Variants in CAMTA1 observed in about 807,000 individuals in gnomAD.
The protein encoded by CAMTA1 is calmodulin-binding transcription activator 1.
Under a neutral mutation model 170.9 loss-of-function variants are expected in CAMTA1, and 27 were observed. The observed-to-expected ratio is 0.16, with a 90% CI of 0.12 to 0.22. The LOEUF is 0.22. CAMTA1 is among the 10% of genes least tolerant of loss of function. The pLI is 1.00. For synonymous variants in CAMTA1, 833 were observed against 891.5 expected (o/e 0.93, Z 1.17); for missense variants, 1,619 against 2,217.2 (o/e 0.73, Z 5.42).
chr1:7,242,459 C>T (rs1313793726), intron 4 of CAMTA1, among the ~76,000 whole-genome samples: 1 of 152,140 alleles, frequency 6.6e-6, no homozygotes, highest in African/African-American at 2.4e-5. Context: ...AAGTTTTCTC[C>T]ACTTTCAGGT....
intron 4 of CAMTA1, among the ~76,000 whole-genome samples, chr1:7,225,246 A>C (rs555038174): frequency 9.2e-5 from 14 of 152,116 alleles, no homozygotes; most frequent in African/African-American, 3.4e-4. Flanking sequence ...CACCATGCCC[A>C]GCTAATTTTT....
At chr1:6,996,189 G>T in intron 3 of CAMTA1, among the ~76,000 whole-genome samples, 1 of 152,202 alleles carries the variant, frequency 6.6e-6, no homozygotes, top group East Asian at 1.9e-4. Flanking sequence ...TCATCTCAGA[G>T]TCCATTGATT....
At chr1:6,831,076 C>G (rs1649906274) in intron 3 of CAMTA1, among the ~76,000 whole-genome samples, 1 of 152,120 alleles carries the variant, frequency 6.6e-6, no homozygotes, top group East Asian at 1.9e-4. Context: ...CCTCAGCCTC[C>G]CAAAGTGCTG....
chr1:7,219,428 T>C (rs1660327886), intron 4 of CAMTA1: 1 of 151,730 alleles, frequency 6.6e-6, no homozygotes, highest in South Asian at 2.1e-4. Flanking sequence ...GCTTATCCAT[T>C]GTGCGCCAGA....
At chr1:6,997,660 C>CTT (rs111887834) in intron 3 of CAMTA1, among the ~76,000 whole-genome samples, 53 of 127,634 alleles carry the variant, frequency 4.2e-4, no homozygotes, top group South Asian at 1.7e-3. Flanking sequence ...TCTTTTCTTT[C>CTT]TTTTTTTTTT....
At chr1:7,366,564 A>G (rs569454651) in intron 5 of CAMTA1, among the ~76,000 whole-genome samples, 1 of 152,370 alleles carries the variant, frequency 6.6e-6, no homozygotes, top group African/African-American at 2.4e-5. Flanking sequence ...TTTGCAGCAG[A>G]TGAAGTAGAT....
intron 5 of CAMTA1, among the ~76,000 whole-genome samples, chr1:7,255,506 C>T (rs192432839): frequency 1.6e-4 from 24 of 152,232 alleles, no homozygotes; most frequent in Middle Eastern, 3.4e-3. Context: ...TCCCCCGCCC[C>T]GCCCCAAGGC....
At chr1:7,582,143 G>A (rs1026665989) in intron 6 of CAMTA1, among the ~76,000 whole-genome samples, 3 of 152,280 alleles carry the variant, frequency 2.0e-5, no homozygotes, top group African/African-American at 7.2e-5. Context: ...TGGAGTCTGT[G>A]CTCCAGGAGG....
At chr1:7,006,875 C>A (rs1699077423) in intron 3 of CAMTA1, among the ~76,000 whole-genome samples, 1 of 152,036 alleles carries the variant, frequency 6.6e-6, no homozygotes, top group Non-Finnish European at 1.5e-5. Context: ...TGTATGATTT[C>A]TAGAGTTCTT....
At chr1:7,617,603 C>T (rs2095567615) in intron 6 of CAMTA1, among the ~76,000 whole-genome samples, 1 of 152,150 alleles carries the variant, frequency 6.6e-6, no homozygotes, top group Non-Finnish European at 1.5e-5. Context: ...CCCTGCTAAG[C>T]AGACACTTAG....
intron 1 of CAMTA1, among the ~76,000 whole-genome samples, chr1:6,806,672 G>A (rs1244933480): frequency 6.6e-6 from 1 of 152,110 alleles, no homozygotes; most frequent in Admixed American, 6.6e-5. Flanking sequence ...ACTTCCTGTA[G>A]TAAATGTTTT....
chr1:7,417,580 G>A (rs2091274307), intron 5 of CAMTA1, among the ~76,000 whole-genome samples: 1 of 152,246 alleles, frequency 6.6e-6, no homozygotes, highest in Admixed American at 6.5e-5. Context: ...TGAGCCAGGT[G>A]TGGGATATAA....
intron 6 of CAMTA1, among the ~76,000 whole-genome samples, chr1:7,627,484 G>A (rs955262418): frequency 2.6e-5 from 4 of 152,128 alleles, no homozygotes; most frequent in East Asian, 1.9e-4. Context: ...CCCATGCCTC[G>A]GGCACTGTTC....
intron 3 of CAMTA1, among the ~76,000 whole-genome samples, chr1:6,912,135 A>G (rs528975348): frequency 4.7e-4 from 72 of 152,340 alleles, no homozygotes; most frequent in African/African-American, 1.5e-3. Context: ...AAGGAACATA[A>G]GACAGACTTG....
intron 5 of CAMTA1, 94 bp from the exon 6 acceptor site, chr1:7,467,736 G>A (rs763174915): frequency 2.9e-4 from 342 of 1,166,630 alleles, no homozygotes; most frequent in Non-Finnish European, 4.2e-4. Context: ...CCAGGCGGCT[G>A]TGGCCCCTTC....
intron 3 of CAMTA1, among the ~76,000 whole-genome samples, chr1:6,958,928 A>G (rs1412362194): frequency 6.6e-6 from 1 of 152,196 alleles, no homozygotes; most frequent in Non-Finnish European, 1.5e-5. Flanking sequence ...CGTAATGAGA[A>G]GCCACCTGCA....
intron 4 of CAMTA1, among the ~76,000 whole-genome samples, chr1:7,207,002 G>A (rs1192465536): frequency 2.0e-5 from 3 of 152,160 alleles, no homozygotes; most frequent in South Asian, 2.1e-4. Flanking sequence ...GAATGGCAAC[G>A]CTGCTTTCCT....
chr1:7,534,987 G>C lies in CAMTA1; in HGVS notation c.510+67086G>C, dbSNP rs531140929. Among the ~76,000 whole-genome samples, 696 of 152,202 alleles carry C rather than the reference G, an allele frequency of 4.6e-3. 3 individuals carry two copies. The highest frequency in any genetic ancestry group is 8.4e-3 in the Non-Finnish European group (569 of 68,002). ...GGGGAAGGGAGTGAAGGAGAGAGGA[G>C]GGGAGGGGAGGGCTAGGAAGATCCC... On this transcript the variant is annotated intron_variant, in intron 6 of 22. Transcript: ENST00000303635. The surrounding 1 kb of genome is among the most constrained non-coding windows in gnomAD (Gnocchi z 5.6).
At chr1:6,812,546 T>C (rs1290345611) in intron 1 of CAMTA1, among the ~76,000 whole-genome samples, 2 of 152,258 alleles carry the variant, frequency 1.3e-5, no homozygotes, top group Non-Finnish European at 2.9e-5. Flanking sequence ...TTTTAAATGT[T>C]ATACAGTTTT....
Sources: gnomAD v4.1 joint callset for allele counts (sites outside exome capture counted in the v4.1 genomes callset) on GRCh38, gnomAD v4.1.1 for gene constraint, Gnocchi (gnomAD v3.1) non-coding constraint, MANE v1.5 for transcripts, NCBI Gene and HGNC (gene_info 2026-07-23, HGNC 2026-07-21) for gene names.